ATG10: variants seen among roughly 807,000 people sequenced by gnomAD.
ATG10 encodes the protein autophagy related 10.
ATG10 carries 30 observed loss-of-function variants against 32.1 expected under a neutral mutation model. The observed-to-expected ratio is 0.94, with a 90% CI of 0.70 to 1.27. ATG10 has a LOEUF of 1.27. Among genes scored for constraint, ATG10 ranks in the 50% most tolerant of loss-of-function variants. The pLI, the probability that ATG10 is intolerant of heterozygous loss-of-function variation, is 0.00. For missense variants in ATG10, 233 were observed against 262.3 expected, an observed-to-expected ratio of 0.89 and a Z score of 0.77; for synonymous variants, 87 against 91.5, an observed-to-expected ratio of 0.95 and a Z score of 0.28.
chr5:81,983,893 T>C (rs1761163484), intron 1 of ATG10, among the ~76,000 whole-genome samples: 1 of 142,824 alleles, frequency 7.0e-6, no homozygotes, highest in Non-Finnish European at 1.5e-5. Flanking sequence ...GCTCCCCACA[T>C]CTCAGACTAT....
intron 2 of ATG10, among the ~76,000 whole-genome samples, chr5:82,045,011 A>G (rs6862053): frequency 0.99 from 149,980 of 152,248 alleles, 73,906 homozygotes; most frequent in Middle Eastern, 1. Context: ...AGTAATACTC[A>G]GGGCTCTGTT....
intron 1 of ATG10, among the ~76,000 whole-genome samples, chr5:81,986,710 T>C (rs1761284644): frequency 6.6e-6 from 1 of 152,070 alleles, no homozygotes; most frequent in Admixed American, 6.5e-5. Flanking sequence ...TCTAGAGTGT[T>C]TACTATGCTA....
intron 3 of ATG10, among the ~76,000 whole-genome samples, chr5:82,151,683 A>T (rs963799164): frequency 6.6e-6 from 1 of 152,192 alleles, no homozygotes; most frequent in Non-Finnish European, 1.5e-5. Flanking sequence ...GATCTTTCAA[A>T]AATTGGCTCT....
chr5:82,238,458 T>C (rs1169097238), intron 5 of ATG10, among the ~76,000 whole-genome samples: 3 of 151,990 alleles, frequency 2.0e-5, no homozygotes, highest in Admixed American at 6.6e-5. Context: ...GGAGTCTTTC[T>C]TCTAGAGGTG....
chr5:81,996,720 G>C (rs1224606663), intron 2 of ATG10, among the ~76,000 whole-genome samples: 1 of 152,176 alleles, frequency 6.6e-6, no homozygotes, highest in Non-Finnish European at 1.5e-5. Context: ...ATATCATAGT[G>C]GTTAAGACCT....
chr5:82,233,478 T>A (rs946693925), intron 5 of ATG10, among the ~76,000 whole-genome samples: 1 of 152,376 alleles, frequency 6.6e-6, no homozygotes, highest in Middle Eastern at 3.4e-3. Context: ...AATTTTAAAA[T>A]GTGCCTCTGA....
rs191790397 is a variant in ATG10, at chr5:82,093,328, G to A, written c.216+34726G>A. On this transcript the variant is annotated intron_variant, in intron 3 of 7. Transcript: ENST00000282185. ...TTTCTCTAACATTTCATTTTGGATCGTTTCTATTGTTATGTCTTCAAGTTC... is the reference window on the plus strand; with the variant it reads ...TTTCTCTAACATTTCATTTTGGATCATTTCTATTGTTATGTCTTCAAGTTC... Among the ~76,000 whole-genome samples, 46 of 152,100 alleles carry A rather than the reference G, an allele frequency of 3.0e-4. 1 individual carries two copies. In the East Asian group the frequency reaches 7.5e-3, roughly 25 times the overall value.
chr5:82,196,792 T>G (rs1744866329), intron 5 of ATG10, among the ~76,000 whole-genome samples: 1 of 152,208 alleles, frequency 6.6e-6, no homozygotes, highest in Non-Finnish European at 1.5e-5. Context: ...TTACTGTGGC[T>G]TTATAACAGT....
chr5:82,156,626 T>C (rs1243180221), intron 3 of ATG10, among the ~76,000 whole-genome samples: 1 of 152,194 alleles, frequency 6.6e-6, no homozygotes, highest in Non-Finnish European at 1.5e-5. Flanking sequence ...GAGTTGATGC[T>C]GGCCTTTCTT....
At chr5:81,993,352 T>C (rs148780904) in intron 2 of ATG10, among the ~76,000 whole-genome samples, 287 of 24,726 alleles carry the variant, frequency 0.012, 2 homozygotes, top group Admixed American at 0.025. Flanking sequence ...TCTTTCTTTC[T>C]TTCTTTCCTT....
At chr5:81,975,030 A>G (rs890546680) in intron 1 of ATG10, among the ~76,000 whole-genome samples, 6 of 152,120 alleles carry the variant, frequency 3.9e-5, no homozygotes, top group African/African-American at 1.4e-4. Context: ...AAATTACTAC[A>G]CTTAACAGCT....
At chr5:82,172,847 C>T (rs1043110679) in intron 4 of ATG10, among the ~76,000 whole-genome samples, 5 of 152,136 alleles carry the variant, frequency 3.3e-5, no homozygotes, top group Admixed American at 2.0e-4. Flanking sequence ...ATAAAAGTTA[C>T]AGAATTAGCC....
intron 2 of ATG10, among the ~76,000 whole-genome samples, chr5:82,041,319 T>G (rs1763076063): frequency 1.3e-5 from 2 of 152,238 alleles, no homozygotes; most frequent in Admixed American, 1.3e-4. Flanking sequence ...TGTATCTTGC[T>G]CACTAGTGGT....
At chr5:82,030,122 C>A (rs983951928) in intron 2 of ATG10, among the ~76,000 whole-genome samples, 1 of 152,090 alleles carries the variant, frequency 6.6e-6, no homozygotes, top group Non-Finnish European at 1.5e-5. Context: ...ATGTGGCCTA[C>A]AATGGATGCT....
chr5:82,124,169 A>G (rs879443556), intron 3 of ATG10, among the ~76,000 whole-genome samples: 5 of 147,960 alleles, frequency 3.4e-5, no homozygotes, highest in Admixed American at 6.8e-5. Flanking sequence ...ACGCCCGGCT[A>G]ATTTTTTGTA....
intron 5 of ATG10, among the ~76,000 whole-genome samples, chr5:82,197,681 C>G (rs889095272): frequency 6.6e-6 from 1 of 151,894 alleles, no homozygotes; most frequent in African/African-American, 2.4e-5. Context: ...TCTGATTATA[C>G]CTTACCTCTC....
chr5:82,137,483 G>A (rs1766811378), intron 3 of ATG10, among the ~76,000 whole-genome samples: 1 of 152,190 alleles, frequency 6.6e-6, no homozygotes, highest in Non-Finnish European at 1.5e-5. Context: ...TCTGCTGTAG[G>A]TCTGCGGGAG....
At position 82,047,338 on chromosome 5, in the gene ATG10, A is replaced by C. The variant is rs1361777417; in HGVS notation, c.109-11157A>C. ...AAAACCCGACAACAAACTATTATTA[A>C]AAAATGAAAGAGGGAAAAGAAAATG... On this transcript the variant is annotated intron_variant, in intron 2 of 7. Transcript: ENST00000282185. Among the ~76,000 whole-genome samples, 3 of 152,230 alleles carry C rather than the reference A, an allele frequency of 2.0e-5. No individual in the cohort carries two copies. The East Asian group carries it at 5.8e-4, about 29-fold the overall frequency.
At chr5:82,057,852 C>T (rs936328195) in intron 2 of ATG10, among the ~76,000 whole-genome samples, 3 of 151,992 alleles carry the variant, frequency 2.0e-5, no homozygotes, top group Non-Finnish European at 4.4e-5. Context: ...ATTTCTTCAG[C>T]GCTTGGAAGA....
Sources: gnomAD v4.1 joint callset for allele counts (sites outside exome capture counted in the v4.1 genomes callset) on GRCh38, gnomAD v4.1.1 for gene constraint, MANE v1.5 for transcripts, NCBI Gene and HGNC (gene_info 2026-07-23, HGNC 2026-07-21) for gene names.